Variants in SLC22A23 observed in about 807,000 individuals in gnomAD.
SLC22A23 encodes the protein ion transporter protein.
SLC22A23 carries 26 observed loss-of-function variants against 61.0 expected under a neutral mutation model. The observed-to-expected ratio is 0.43, with a 90% CI of 0.31 to 0.59. The LOEUF is 0.59. Among genes scored for constraint, SLC22A23 ranks in the 20% least tolerant of loss-of-function variants. SLC22A23 has a pLI of 0.11. For missense variants in SLC22A23, 796 were observed against 934.7 expected (o/e 0.85, Z 1.94); for synonymous variants, 430 against 413.9 (o/e 1.04, Z -0.47).
Position 3,318,092 on chromosome 6 carries a change from G to A in SLC22A23, c.1082+5742C>T, listed in dbSNP as rs1762744787. ...GTCCAGTCTCTGGGTGCATCATGCT[G>A]CTGCCACCTTTTCCTGGCCAGCGTC... On this transcript the variant is annotated intron_variant, in intron 4 of 9. Coordinates refer to ENST00000406686, the MANE Select transcript of SLC22A23 (RefSeq NM_015482.2). This position sits in a 1 kb window ranked among gnomAD's most constrained non-coding sequence, Gnocchi z 4.3. 6.6e-6 allele frequency among the ~76,000 whole-genome samples: 1 copy of A among 152,174 alleles called. No individual in the cohort carries two copies. Among genetic ancestry groups the A allele is most frequent in the South Asian group, 2.1e-4 (1 of 4,824 alleles).
At position 3,298,121 on chromosome 6, in the gene SLC22A23, G is replaced by T. The variant is rs371110850; in HGVS notation, c.1180C>A (p.Pro394Thr). ...LHFTQKNRMN[P>T]EGDIKGVIPE... is the part of the protein sequence containing the mutation. Reference sequence around the variant, plus strand: ...ATCACACCCTTGATGTCGCCCTCAGGGTTCATGCGATTCTTCTGTGTGAAG... The same window carrying T: ...ATCACACCCTTGATGTCGCCCTCAGTGTTCATGCGATTCTTCTGTGTGAAG... The change falls in exon 5 of 10, where the codon CCT (proline) becomes ACT (threonine). Residue 394 changes from proline (P) to threonine (T), a missense_variant. By Grantham distance (38) the Pro-to-Thr change is conservative. Coordinates refer to ENST00000406686, the MANE Select transcript of SLC22A23 (RefSeq NM_015482.2). 5.1e-6 allele frequency: 8 copies of T among 1,581,798 alleles called. No homozygotes were observed. In the East Asian group the frequency reaches 1.9e-4, roughly 38 times the overall value.
chr6:3,297,506 C>A lies in SLC22A23; in HGVS notation c.1210+585G>T, dbSNP rs1464529564. On this transcript the variant is annotated intron_variant, in intron 5 of 9. Transcript: ENST00000406686. This position sits in a 1 kb window ranked among gnomAD's most constrained non-coding sequence, Gnocchi z 4.3. Reference sequence around the variant, plus strand: ...GGATCTCCAGGTGCCAGGGAGAGGCCCAGGAATCTGGATTTTAACAACCTC... The same window carrying A: ...GGATCTCCAGGTGCCAGGGAGAGGCACAGGAATCTGGATTTTAACAACCTC... Among the ~76,000 whole-genome samples the A allele has an allele frequency of 1.3e-5, 2 of 152,158 alleles. No homozygotes were observed. The highest frequency in any genetic ancestry group is 6.5e-5 in the Admixed American group (1 of 15,278).
chr6:3,335,180 A>G (rs1456315760), intron 3 of SLC22A23, among the ~76,000 whole-genome samples: 1 of 152,216 alleles, frequency 6.6e-6, no homozygotes, highest in African/African-American at 2.4e-5. Context: ...GGGGTTTTCA[A>G]GAAACAGGTC....
intron 9 of SLC22A23, among the ~76,000 whole-genome samples, chr6:3,275,865 A>C (rs1444646936): frequency 6.6e-6 from 1 of 152,250 alleles, no homozygotes; most frequent in Non-Finnish European, 1.5e-5. Flanking sequence ...TACAGGCGTG[A>C]GCCACCACGC....
intron 3 of SLC22A23, among the ~76,000 whole-genome samples, chr6:3,343,486 C>T (rs1321727733): frequency 6.6e-6 from 1 of 151,856 alleles, no homozygotes; most frequent in African/African-American, 2.4e-5. Context: ...CACACACACA[C>T]ACATCCTCAT....
chr6:3,357,278 G>A (rs1016835022), intron 3 of SLC22A23, among the ~76,000 whole-genome samples: 2 of 152,164 alleles, frequency 1.3e-5, no homozygotes, highest in Non-Finnish European at 2.9e-5. Flanking sequence ...ACAACCAGCT[G>A]GAGGACTTAT....
At chr6:3,419,226 C>A (rs1014348279) in intron 1 of SLC22A23, among the ~76,000 whole-genome samples, 5 of 152,186 alleles carry the variant, frequency 3.3e-5, no homozygotes, top group African/African-American at 1.2e-4. Context: ...AAATCAATCA[C>A]CAATTCCAGC....
intron 7 of SLC22A23, among the ~76,000 whole-genome samples, chr6:3,285,860 C>A (rs995290524): frequency 6.6e-6 from 1 of 152,164 alleles, no homozygotes; most frequent in African/African-American, 2.4e-5. Context: ...GGTTCATTTT[C>A]CTTGTAAAGG....
chr6:3,282,336 G>A, intron 9 of SLC22A23: 1 of 702,302 alleles, frequency 1.4e-6, no homozygotes, highest in South Asian at 1.5e-5. Context: ...AGAAGGTAGG[G>A]ACAGGATGAG....
chr6:3,304,542 G>A lies in SLC22A23; in HGVS notation c.1083-6324C>T. 6.7e-6 allele frequency among the ~76,000 whole-genome samples: 1 copy of A among 149,192 alleles called. No individual in the cohort carries two copies. Among genetic ancestry groups the A allele is most frequent in the East Asian group, 1.9e-4 (1 of 5,190 alleles). ...AAATTGTTTTTTTCTAATACATACT[G>A]AGCATTGTCACTACAAATCCATCTG... On this transcript the variant is annotated intron_variant, in intron 4 of 9. Coordinates refer to ENST00000406686, the MANE Select transcript of SLC22A23 (RefSeq NM_015482.2). The surrounding 1 kb of genome is among the most constrained non-coding windows in gnomAD (Gnocchi z 4.3).
intron 3 of SLC22A23, among the ~76,000 whole-genome samples, chr6:3,332,218 CTCATCATCAGTG>C (rs757965459): frequency 6.6e-6 from 1 of 152,168 alleles, no homozygotes; most frequent in Non-Finnish European, 1.5e-5. Context: ...ACTTTTATTT[CTCATCATCAGTG>C]TCATCATCAA....
chr6:3,363,284 T>A (rs1279715643), intron 3 of SLC22A23, among the ~76,000 whole-genome samples: 1 of 152,126 alleles, frequency 6.6e-6, no homozygotes, highest in Non-Finnish European at 1.5e-5. Context: ...ATGGGTGAGC[T>A]CCGGCAGCAC....
intron 1 of SLC22A23, among the ~76,000 whole-genome samples, chr6:3,430,229 G>T (rs1282929107): frequency 6.6e-6 from 1 of 152,134 alleles, no homozygotes; most frequent in Non-Finnish European, 1.5e-5. Context: ...TCTCCAAGGT[G>T]CAGGCCTCTC....
intron 3 of SLC22A23, among the ~76,000 whole-genome samples, chr6:3,337,908 G>A (rs1242040418): frequency 6.6e-6 from 1 of 152,224 alleles, no homozygotes; most frequent in Non-Finnish European, 1.5e-5. Flanking sequence ...AAGAGCAGAT[G>A]CAGGAAAAGC....
At chr6:3,448,148 C>T (rs1771999829) in intron 1 of SLC22A23, among the ~76,000 whole-genome samples, 1 of 152,084 alleles carries the variant, frequency 6.6e-6, no homozygotes, top group South Asian at 2.1e-4. Context: ...GGTGATCCAC[C>T]TCCCTCGGCC....
At chr6:3,437,331 GTTGT>G (rs1306897938) in intron 1 of SLC22A23, among the ~76,000 whole-genome samples, 1 of 152,094 alleles carries the variant, frequency 6.6e-6, no homozygotes, top group Non-Finnish European at 1.5e-5. Context: ...CTTTTGACAA[GTTGT>G]TTCTTATGGG....
chr6:3,371,521 C>T (rs547594844), intron 3 of SLC22A23, among the ~76,000 whole-genome samples: 4 of 152,234 alleles, frequency 2.6e-5, no homozygotes, highest in African/African-American at 4.8e-5. Flanking sequence ...GGCCAGTAGG[C>T]GGGGGCTTAG....
rs1180484948 is a variant in SLC22A23 at position 3,286,994 on chromosome 6, TATA to T, written c.1408_1410del (p.Tyr470del). On this transcript the variant is annotated inframe_deletion, in exon 7 of 10. Coordinates refer to ENST00000406686, the MANE Select transcript of SLC22A23 (RefSeq NM_015482.2). The surrounding 1 kb of genome is among the most constrained non-coding windows in gnomAD (Gnocchi z 4.2). ...GACACCAGCGCGATGCTGGCCGTGG[TATA>T]GTAGTCAGCATAGAAGTTCTCCAGG... 2 of 1,613,996 alleles carry T rather than the reference TATA, an allele frequency of 1.2e-6. No individual in the cohort carries two copies. Among genetic ancestry groups the T allele is most frequent in the African/African-American group, 1.3e-5 (1 of 74,916 alleles).
At position 3,322,170 on chromosome 6, in the gene SLC22A23, T is replaced by C. The variant is rs1007134682; in HGVS notation, c.1082+1664A>G. Among the ~76,000 whole-genome samples the C allele has an allele frequency of 2.6e-5, 4 of 151,982 alleles. No individual in the cohort carries two copies. Among genetic ancestry groups the C allele is most frequent in the Admixed American group, 6.6e-5 (1 of 15,262 alleles). On this transcript the variant is annotated intron_variant, in intron 4 of 9. Transcript: ENST00000406686. This position sits in a 1 kb window ranked among gnomAD's most constrained non-coding sequence, Gnocchi z 4.1. ...GTCAGCGGGGGTCAGGGGACCGCGG[T>C]TCTGTCCTCTATAGGATGGGCTGCT...
Sources: gnomAD v4.1 joint callset for allele counts (sites outside exome capture counted in the v4.1 genomes callset) on GRCh38, gnomAD v4.1.1 for gene constraint, Gnocchi (gnomAD v3.1) non-coding constraint, MANE v1.5 for transcripts, NCBI Gene and HGNC (gene_info 2026-07-23, HGNC 2026-07-21) for gene names.